The following DNM3 variants were observed in gnomAD, a reference collection of about 807,000 sequenced individuals.
DNM3 encodes dynamin-3.
In DNM3, 47 loss-of-function variants were observed where a neutral mutation model predicts 101.6. That is an observed-to-expected ratio of 0.46 (90% CI 0.37 to 0.59). The LOEUF is 0.59. Ranked by LOEUF, DNM3 falls within the 20% of genes least tolerant of loss-of-function variation. The pLI is 0.00. For synonymous variants in DNM3, 385 were observed against 387.9 expected (o/e 0.99, Z 0.09); for missense variants, 849 against 1,085.7 (o/e 0.78, Z 3.06).
chr1:172,053,194 C>T (rs941553775), intron 10 of DNM3, among the ~76,000 whole-genome samples: 1 of 152,054 alleles, frequency 6.6e-6, no homozygotes, highest in South Asian at 2.1e-4. Context: ...TATCTTTGGT[C>T]CCACTGCTTG....
chr1:172,047,442 C>T (rs2049897694), intron 9 of DNM3, among the ~76,000 whole-genome samples: 1 of 152,056 alleles, frequency 6.6e-6, no homozygotes, highest in African/African-American at 2.4e-5. Flanking sequence ...AAATTGTTAA[C>T]AGGGTAAAAT....
chr1:172,169,653 T>A (rs540665383), intron 14 of DNM3, among the ~76,000 whole-genome samples: 3 of 151,930 alleles, frequency 2.0e-5, no homozygotes, highest in Non-Finnish European at 4.4e-5. Flanking sequence ...CTAGAATTAA[T>A]AATAACCAGA....
Position 172,232,215 on chromosome 1 carries a change from C to CA in DNM3, c.1660-21351dup, listed in dbSNP as rs1248457492. On this transcript the variant is annotated intron_variant, in intron 14 of 20. Transcript: ENST00000627582. Reference sequence around the variant, plus strand: ...GAAGATCTACCAAGCAAATGGAAAACAAAAAAAGGCAGGGGTTTCAATCCT... The same window carrying CA: ...GAAGATCTACCAAGCAAATGGAAAACAAAAAAAAGGCAGGGGTTTCAATCCT... Among the ~76,000 whole-genome samples the CA allele has an allele frequency of 3.3e-5, 5 of 151,396 alleles. No homozygotes were observed. In the East Asian group the frequency reaches 5.8e-4, roughly 18 times the overall value.
chr1:172,027,970 T>G (rs2048332471), intron 4 of DNM3, among the ~76,000 whole-genome samples: 1 of 152,104 alleles, frequency 6.6e-6, no homozygotes, highest in African/African-American at 2.4e-5. Context: ...CACATAATAA[T>G]AGTGGGATAC....
At chr1:171,975,216 C>T (rs1158133188) in intron 2 of DNM3, among the ~76,000 whole-genome samples, 2 of 152,076 alleles carry the variant, frequency 1.3e-5, no homozygotes, top group African/African-American at 4.8e-5. Context: ...TTGCCTGAGT[C>T]ATAGAATTAT....
intron 16 of DNM3, among the ~76,000 whole-genome samples, chr1:172,314,300 C>T (rs775769497): frequency 7.2e-5 from 11 of 152,152 alleles, no homozygotes; most frequent in Non-Finnish European, 1.5e-4. Flanking sequence ...CAGCTCCCAG[C>T]GTGAGCAACG....
intron 15 of DNM3, among the ~76,000 whole-genome samples, chr1:172,291,844 A>G (rs1022649574): frequency 1.3e-5 from 2 of 152,156 alleles, no homozygotes; most frequent in Non-Finnish European, 2.9e-5. Context: ...AGTTTTAATA[A>G]AACTGGTAAT....
intron 1 of DNM3, among the ~76,000 whole-genome samples, chr1:171,879,687 C>G (rs1046253641): frequency 6.6e-6 from 1 of 152,142 alleles, no homozygotes; most frequent in Non-Finnish European, 1.5e-5. Flanking sequence ...ATTATTACTC[C>G]TAGGAAGCTA....
chr1:171,999,754 T>C (rs1185203037), intron 4 of DNM3, among the ~76,000 whole-genome samples: 1 of 152,092 alleles, frequency 6.6e-6, no homozygotes, highest in Non-Finnish European at 1.5e-5. Context: ...ATAACTGATA[T>C]CTTTATAAGA....
chr1:172,260,288 A>G (rs915712834), intron 15 of DNM3, among the ~76,000 whole-genome samples: 6 of 152,064 alleles, frequency 3.9e-5, no homozygotes, highest in African/African-American at 1.2e-4. Flanking sequence ...GAGTTTGGCT[A>G]TAATATGCCA....
At chr1:171,878,411 A>G (rs1481530476) in intron 1 of DNM3, among the ~76,000 whole-genome samples, 1 of 151,996 alleles carries the variant, frequency 6.6e-6, no homozygotes, top group Non-Finnish European at 1.5e-5. Context: ...GGAAAACCTC[A>G]AATCTGTTGA....
chr1:171,956,084 C>A (rs535423994), intron 2 of DNM3, among the ~76,000 whole-genome samples: 1 of 152,090 alleles, frequency 6.6e-6, no homozygotes, highest in African/African-American at 2.4e-5. Flanking sequence ...GGGGACATAG[C>A]CAAACATATC....
At chr1:172,028,870 A>G (rs1006888419) in intron 4 of DNM3, among the ~76,000 whole-genome samples, 1 of 152,202 alleles carries the variant, frequency 6.6e-6, no homozygotes, top group Non-Finnish European at 1.5e-5. Context: ...AAGAAGTTGA[A>G]TCCCTGAATA....
intron 11 of DNM3, among the ~76,000 whole-genome samples, chr1:172,074,877 TG>T (rs749468237): frequency 1.3e-5 from 2 of 152,242 alleles, no homozygotes; most frequent in Non-Finnish European, 2.9e-5. Context: ...TCTAGGTCAT[TG>T]AGGAATTGCC....
At chr1:172,170,448 G>T (rs2058913418) in intron 14 of DNM3, among the ~76,000 whole-genome samples, 1 of 151,710 alleles carries the variant, frequency 6.6e-6, no homozygotes, top group South Asian at 2.1e-4. Context: ...GTGAAACTTG[G>T]GTTCTTAATC....
At chr1:171,877,897 G>A (rs756405080) in intron 1 of DNM3, among the ~76,000 whole-genome samples, 1 of 152,160 alleles carries the variant, frequency 6.6e-6, no homozygotes, top group African/African-American at 2.4e-5. Flanking sequence ...CCGGGTGTCT[G>A]ATTATGAACA....
chr1:172,149,303 C>T (rs995750535), intron 14 of DNM3, among the ~76,000 whole-genome samples: 2 of 152,116 alleles, frequency 1.3e-5, no homozygotes, highest in Non-Finnish European at 2.9e-5. Flanking sequence ...TAACCACTGG[C>T]GTGCACAGCA....
At chr1:172,262,455 T>C (rs1389865346) in intron 15 of DNM3, among the ~76,000 whole-genome samples, 2 of 152,140 alleles carry the variant, frequency 1.3e-5, no homozygotes, top group African/African-American at 4.8e-5. Flanking sequence ...CTTGTAAGGA[T>C]TGAGGTGTTC....
intron 14 of DNM3, among the ~76,000 whole-genome samples, chr1:172,208,653 C>G (rs1251010777): frequency 6.6e-6 from 1 of 152,066 alleles, no homozygotes; most frequent in South Asian, 2.1e-4. Context: ...TCTACATACC[C>G]TATTTGCTTT....
Sources: gnomAD v4.1 joint callset for allele counts (sites outside exome capture counted in the v4.1 genomes callset) on GRCh38, gnomAD v4.1.1 for gene constraint, MANE v1.5 for transcripts, NCBI Gene and HGNC (gene_info 2026-07-23, HGNC 2026-07-21) for gene names.